HERC1: variants seen among roughly 807,000 people sequenced by gnomAD.
HERC1 encodes the protein HECT and RLD domain containing E3 ubiquitin protein ligase family member 1.
In HERC1, 160 loss-of-function variants were observed where a neutral mutation model predicts 554.3. That is an observed-to-expected ratio of 0.29 (90% confidence interval 0.25 to 0.33). The LOEUF is 0.33. Among genes scored for constraint, HERC1 ranks in the 10% least tolerant of loss-of-function variants. The pLI is 1.00. For missense variants in HERC1, 4,919 were observed against 5,918.5 expected (o/e 0.83, Z 5.54); for synonymous variants, 2,175 against 2,131.7 (o/e 1.02, Z -0.56).
chr15:63,655,443 G>A (rs2069976475), intron 50 of HERC1, among the ~76,000 whole-genome samples: 1 of 152,180 alleles, frequency 6.6e-6, no homozygotes, highest in Non-Finnish European at 1.5e-5. Flanking sequence ...TCCCTTCAAA[G>A]TGTTATAATC....
At chr15:63,773,079 T>G (rs2075999481) in intron 2 of HERC1, among the ~76,000 whole-genome samples, 1 of 152,174 alleles carries the variant, frequency 6.6e-6, no homozygotes, top group African/African-American at 2.4e-5. Context: ...CATTTATAAG[T>G]GACATTTTTA....
At position 63,775,582 on chromosome 15, in the gene HERC1, T is replaced by C. The variant is rs904035400; in HGVS notation, c.42A>G (p.Glu14=). 2 of 1,607,146 alleles carry C rather than the reference T, an allele frequency of 1.2e-6. No homozygotes were observed. The highest frequency in any genetic ancestry group is 2.7e-5 in the African/African-American group (2 of 74,780). ...CTGTAATCCAGGAGCTGTTCAAGTG[T>C]TCAAGCCATTTCAGCTTCACTGGTG... is the stretch of plus-strand genomic sequence containing the variant. The part of the protein sequence containing the change: ...MIPPVKLKWL[E]HLNSSWITED... The change falls in exon 2 of 78, where the codon GAA becomes GAG. Residue 14 remains glutamate (E), a synonymous_variant. Transcript: ENST00000443617. This position sits in a 1 kb window ranked among gnomAD's most constrained non-coding sequence, Gnocchi z 4.0.
At chr15:63,609,844 T>C (rs1418742709) in intron 77 of HERC1, among the ~76,000 whole-genome samples, 1 of 152,132 alleles carries the variant, frequency 6.6e-6, no homozygotes, top group African/African-American at 2.4e-5. Flanking sequence ...CAACTGACGG[T>C]GATGCATCAT....
intron 1 of HERC1, among the ~76,000 whole-genome samples, chr15:63,823,049 T>C (rs1210620518): frequency 6.6e-6 from 1 of 152,208 alleles, no homozygotes; most frequent in Non-Finnish European, 1.5e-5. Context: ...TAGTTTGTTA[T>C]ATAAGTAAAC....
chr15:63,760,435 C>CAAAA (rs34164820), intron 3 of HERC1, among the ~76,000 whole-genome samples: 4 of 91,404 alleles, frequency 4.4e-5, no homozygotes, highest in East Asian at 5.7e-4. Context: ...AGACACCATC[C>CAAAA]AAAAAAAAAA....
Position 63,656,099 on chromosome 15 carries a change from A to G in HERC1, c.9859T>C (p.Leu3287=), listed in dbSNP as rs1406335260. The G allele has an allele frequency of 3.1e-6, 5 of 1,612,696 alleles. No individual in the cohort carries two copies. Among genetic ancestry groups the G allele is most frequent in the Non-Finnish European group, 4.2e-6 (5 of 1,179,272 alleles). The change falls in exon 49 of 78, where the codon TTG becomes CTG. Residue 3287 remains leucine, a synonymous_variant. Coordinates refer to ENST00000443617, the MANE Select transcript of HERC1 (RefSeq NM_003922.4). Reference sequence around the variant, plus strand: ...TGAAAGTAGCTTACCTGTGTACACAACTGTACAAGCAGTTTGGCAGCACTA... The same window carrying G: ...TGAAAGTAGCTTACCTGTGTACACAGCTGTACAAGCAGTTTGGCAGCACTA... ...APSAAKLLVQ[L]CTQNLISAAT...
chr15:63,723,436 G>T, intron 18 of HERC1, 81 bp from the exon 19 acceptor site: 1 of 965,810 alleles, frequency 1.0e-6, no homozygotes, highest in Non-Finnish European at 1.5e-6. Flanking sequence ...TTTATTTAAT[G>T]ATTATGAAAT....
intron 74 of HERC1, among the ~76,000 whole-genome samples, chr15:63,618,323 C>T (rs1433712839): frequency 6.6e-6 from 1 of 152,110 alleles, no homozygotes; most frequent in Non-Finnish European, 1.5e-5. Context: ...AGATATGCGG[C>T]ATTATTTCTG....
chr15:63,633,283 T>G (rs1480037725), intron 67 of HERC1, among the ~76,000 whole-genome samples: 1 of 152,228 alleles, frequency 6.6e-6, no homozygotes, highest in East Asian at 1.9e-4. Context: ...GAATATAAGC[T>G]GAAGCTTTGT....
intron 33 of HERC1, 62 bp from the exon 34 acceptor site, chr15:63,686,597 C>A: frequency 1.4e-6 from 2 of 1,412,688 alleles, no homozygotes; most frequent in Non-Finnish European, 9.7e-7. Flanking sequence ...AAGATATATT[C>A]TGAGGCTCCT....
chr15:63,638,544 A>G lies in HERC1; in HGVS notation c.11968-8T>C. 1 of 1,613,666 alleles carries G rather than the reference A, an allele frequency of 6.2e-7. No homozygotes were observed. ...ACCTCCCAGGTGCCAGTCCTAGAAA[A>G]CCACAATCATCTCAAAATTAGAGTC... On this transcript the variant is annotated splice_region_variant and splice_polypyrimidine_tract_variant and intron_variant, in intron 62 of 77. Coordinates refer to ENST00000443617, the MANE Select transcript of HERC1 (RefSeq NM_003922.4).
Position 63,822,580 on chromosome 15 carries a change from T to C in HERC1, c.-27+11247A>G, listed in dbSNP as rs148718351. Among the ~76,000 whole-genome samples, 626 of 151,102 alleles carry C rather than the reference T, an allele frequency of 4.1e-3. 8 individuals carry two copies. The highest frequency in any genetic ancestry group is 0.015 in the African/African-American group (600 of 41,092). Reference sequence around the variant, plus strand: ...CAGCCTGGGCAACAGAGCAAGACTCTGTCTCAAAAAAAAAAAAATTTTTAA... The same window carrying C: ...CAGCCTGGGCAACAGAGCAAGACTCCGTCTCAAAAAAAAAAAAATTTTTAA... On this transcript the variant is annotated intron_variant, in intron 1 of 77. Transcript: ENST00000443617.
chr15:63,731,680 G>A (rs189237719), intron 14 of HERC1, among the ~76,000 whole-genome samples: 5 of 152,264 alleles, frequency 3.3e-5, no homozygotes, highest in Non-Finnish European at 2.9e-5. Flanking sequence ...ACTAAGACTT[G>A]TATTGGAAGA....
At position 63,749,249 on chromosome 15, in the gene HERC1, T is replaced by C. The variant is rs2075160047; in HGVS notation, c.2219+118A>G. 8.0e-6 allele frequency: 6 copies of C among 750,964 alleles called. No homozygotes were observed. Among genetic ancestry groups the C allele is most frequent in the East Asian group, 2.6e-5 (1 of 37,840 alleles). 46.5% of individuals were successfully genotyped at this position (750,964 alleles called of 1,614,324 possible). A position where few individuals can be genotyped will look rare whatever the true frequency, so the allele number is the denominator to read the frequency against. ...GATAGAGAAAAAGCAATACTATATA[T>C]GTTCAGAAGAGTATTTTATGAACAA... On this transcript the variant is annotated intron_variant, in intron 10 of 77. Transcript: ENST00000443617. This position sits in a 1 kb window ranked among gnomAD's most constrained non-coding sequence, Gnocchi z 4.1.
intron 1 of HERC1, among the ~76,000 whole-genome samples, chr15:63,829,559 G>GTATATATATATATA (rs1316907768): frequency 1.1e-4 from 10 of 94,666 alleles, no homozygotes; most frequent in African/African-American, 1.2e-4. Flanking sequence ...GTGTGTGTGT[G>GTATATATATATATA]TGTATATATA....
chr15:63,693,942 CAG>C lies in HERC1; in HGVS notation c.5674+20_5674+21del. 1 of 1,543,562 alleles carries C rather than the reference CAG, an allele frequency of 6.5e-7. No homozygotes were observed. The highest frequency in any genetic ancestry group is 8.7e-7 in the Non-Finnish European group (1 of 1,143,906). ...TTTAATAAATGCTTGTAAGTAAAGA[CAG>C]AGAAAGAGGCTTACATTACCTCTGA... On this transcript the variant is annotated intron_variant, in intron 30 of 77. Coordinates refer to ENST00000443617, the MANE Select transcript of HERC1 (RefSeq NM_003922.4).
intron 19 of HERC1, among the ~76,000 whole-genome samples, chr15:63,721,245 C>G (rs762866694): frequency 4.6e-5 from 7 of 152,112 alleles, no homozygotes; most frequent in Non-Finnish European, 1.0e-4. Flanking sequence ...AAAATGGGGC[C>G]AGGCGCCGTG....
intron 24 of HERC1, among the ~76,000 whole-genome samples, chr15:63,710,009 T>C (rs1421290154): frequency 6.6e-6 from 1 of 152,234 alleles, no homozygotes; most frequent in Non-Finnish European, 1.5e-5. Context: ...CAAATAGTGC[T>C]TTAGCAAAGG....
intron 73 of HERC1, among the ~76,000 whole-genome samples, chr15:63,623,211 G>A (rs974224857): frequency 1.1e-4 from 16 of 152,312 alleles, no homozygotes; most frequent in Admixed American, 9.8e-4. Context: ...TTTAGTCACA[G>A]GGTTTACTGG....
Sources: gnomAD v4.1 joint callset for allele counts (sites outside exome capture counted in the v4.1 genomes callset) on GRCh38, gnomAD v4.1.1 for gene constraint, Gnocchi (gnomAD v3.1) non-coding constraint, MANE v1.5 for transcripts, NCBI Gene and HGNC (gene_info 2026-07-23, HGNC 2026-07-21) for gene names.